The following USP24 variants were observed in gnomAD, a reference collection of about 807,000 sequenced individuals.
USP24 encodes the protein ubiquitin specific peptidase 24, also known as ubiquitin carboxyl-terminal hydrolase 24.
A neutral mutation model predicts 361.6 loss-of-function variants in USP24; 97 were observed. That is an observed-to-expected ratio of 0.27 (90% confidence interval 0.23 to 0.32). The LOEUF (loss-of-function observed/expected upper bound fraction) is 0.32. Ranked by LOEUF, USP24 falls within the 10% of genes least tolerant of loss-of-function variation. USP24 has a pLI of 1.00. For synonymous variants in USP24, 1,098 were observed against 1,124.6 expected (o/e 0.98, Z 0.47); for missense variants, 2,353 against 3,165.6 (o/e 0.74, Z 6.16).
chr1:55,151,822 G>A (rs1394732544), intron 16 of USP24: 2 of 877,096 alleles, frequency 2.3e-6, no homozygotes, highest in Non-Finnish European at 2.7e-6. Context: ...AATTTTAAGA[G>A]TATCAAAAGC....
chr1:55,075,400 A>G, intron 63 of USP24, 57 bp downstream of exon 63: 4 of 1,497,740 alleles, frequency 2.7e-6, no homozygotes, highest in Non-Finnish European at 3.6e-6. Context: ...TGGCCAGAAC[A>G]ATAGATTATC....
intron 5 of USP24, among the ~76,000 whole-genome samples, chr1:55,169,725 A>C (rs897057951): frequency 1.3e-5 from 2 of 151,878 alleles, no homozygotes; most frequent in African/African-American, 4.9e-5. Context: ...ACCCAGTGAA[A>C]ATACATACTT....
At position 55,103,899 on chromosome 1, in the gene USP24, G is replaced by A. The variant is rs763132821; in HGVS notation, c.5002C>T (p.Pro1668Ser). ...ACATCAAACTCCTTGGTAAGAGCAGGGTCAGGCTGGTGATGCATAGAAAGC... is the reference window on the plus strand; with the variant it reads ...ACATCAAACTCCTTGGTAAGAGCAGAGTCAGGCTGGTGATGCATAGAAAGC... ...ELLSMHHQPD[P>S]ALTKEFDYLP... The change falls in exon 42 of 68, where the codon CCT (proline) becomes TCT (serine). Residue 1668 changes from proline (P) to serine (S), a missense_variant. Physicochemically the swap from Pro to Ser is moderately conservative, Grantham distance 74 (BLOSUM62 -1). Transcript: ENST00000294383. The A allele has an allele frequency of 6.2e-7, 1 of 1,612,776 alleles. No individual in the cohort carries two copies. Among genetic ancestry groups the A allele is most frequent in the Non-Finnish European group, 8.5e-7 (1 of 1,179,380 alleles).
rs1339328528 is a variant in USP24 at position 55,146,107 on chromosome 1, C to G, written c.2253G>C (p.Met751Ile). ...GTCCTTTTGTAAACCATTCAAAACACATCTGTGGAATAAGACGAATATCAC... is the reference window on the plus strand; with the variant it reads ...GTCCTTTTGTAAACCATTCAAAACAGATCTGTGGAATAAGACGAATATCAC... ...GQDVCELDRE[M>I]CFEWFTKGQH... The change falls in exon 20 of 68, where the codon ATG becomes ATC. Residue 751 changes from methionine to isoleucine, a missense_variant and splice_region_variant. Met to Ile is a conservative substitution (Grantham distance 10, BLOSUM62 1). Around this residue, in one of 8 missense-constraint regions of USP24, gnomAD observed 949 missense variants for 1,280.5 expected, o/e 0.74. Transcript: ENST00000294383. 6.2e-7 allele frequency: 1 copy of G among 1,610,438 alleles called. No homozygotes were observed. Among genetic ancestry groups the G allele is most frequent in the Admixed American group, 1.7e-5 (1 of 59,896 alleles).
intron 1 of USP24, among the ~76,000 whole-genome samples, chr1:55,181,972 G>C (rs1235355631): frequency 6.6e-6 from 1 of 152,242 alleles, no homozygotes; most frequent in East Asian, 1.9e-4. Context: ...TCAGTGCACA[G>C]AGGAAAGGCC....
At chr1:55,095,538 G>A (rs1645477596) in intron 50 of USP24, 142 bp from the exon 51 acceptor site, 1 of 921,476 alleles carries the variant, frequency 1.1e-6, no homozygotes, top group Non-Finnish European at 1.6e-6. Flanking sequence ...TAAAATGTGA[G>A]TGTCTTTAGA....
intron 11 of USP24, 75 bp downstream of exon 11, chr1:55,157,181 T>G: frequency 2.2e-6 from 3 of 1,364,098 alleles, no homozygotes; most frequent in Non-Finnish European, 2.0e-6. Context: ...AGCAACAATT[T>G]TGTATACTTT....
At chr1:55,101,520 A>G (rs1009134026) in intron 43 of USP24, 64 bp downstream of exon 43, 1 of 1,545,036 alleles carries the variant, frequency 6.5e-7, no homozygotes, top group Non-Finnish European at 8.7e-7. Context: ...AAAAACTATG[A>G]AACAATTTTC....
chr1:55,190,378 TA>T (rs1276018502), intron 1 of USP24, among the ~76,000 whole-genome samples: 1 of 152,050 alleles, frequency 6.6e-6, no homozygotes, highest in African/African-American at 2.4e-5. Flanking sequence ...CAGAGGGGGA[TA>T]GTATGAACCC....
intron 32 of USP24, among the ~76,000 whole-genome samples, chr1:55,128,095 T>C (rs1646486517): frequency 6.6e-6 from 1 of 152,202 alleles, no homozygotes; most frequent in Non-Finnish European, 1.5e-5. Context: ...CTTTCCTTTG[T>C]TCGTTCCATC....
At chr1:55,138,479 G>T in intron 26 of USP24, 129 bp downstream of exon 26, 2 of 598,454 alleles carry the variant, frequency 3.3e-6, no homozygotes, top group South Asian at 2.5e-5. Flanking sequence ...TTCATTTCAG[G>T]TCTTTATTCT....
rs1208069053 is a variant in USP24, at chr1:55,129,462, C to T, written c.3635+15G>A. On this transcript the variant is annotated intron_variant, in intron 32 of 67. Transcript: ENST00000294383. ...ATTTTCGGCAACTCATGTAACATTA[C>T]ATTGAAACTCTAACCTCAAACCGCC... 4.3e-6 allele frequency: 7 copies of T among 1,610,338 alleles called. No individual in the cohort carries two copies. Among genetic ancestry groups the T allele is most frequent in the Non-Finnish European group, 5.9e-6 (7 of 1,177,134 alleles).
intron 5 of USP24, among the ~76,000 whole-genome samples, chr1:55,167,903 T>C (rs1234815309): frequency 6.6e-6 from 1 of 152,152 alleles, no homozygotes; most frequent in Non-Finnish European, 1.5e-5. Context: ...TTGAGAACTC[T>C]GTATGGCAAC....
At position 55,132,667 on chromosome 1, in the gene USP24, A is replaced by C; in HGVS notation, c.3415T>G (p.Ser1139Ala). The change falls in exon 31 of 68, where the codon TCA becomes GCA. Residue 1139 changes from serine (S) to alanine (A), a missense_variant. Physicochemically the swap from Ser to Ala is moderately conservative, Grantham distance 99. This residue lies in a region of USP24 where 949 missense variants were observed against 1,280.5 expected (regional missense o/e 0.74). Transcript: ENST00000294383. ...TTTGATGACAGGGATGGAGATTTTG[A>C]GGACTGAGAACTTGATTCAGACAGC... is the stretch of plus-strand genomic sequence containing the variant. ...TLLSESSSQS[S>A]KSPSLSSKQQ... 1 of 1,613,606 alleles carries C rather than the reference A, an allele frequency of 6.2e-7. No individual in the cohort carries two copies. Among genetic ancestry groups the C allele is most frequent in the Non-Finnish European group, 8.5e-7 (1 of 1,179,716 alleles).
At chr1:55,108,795 G>GGCT (rs374866744) in intron 39 of USP24, among the ~76,000 whole-genome samples, 2 of 152,192 alleles carry the variant, frequency 1.3e-5, no homozygotes, top group African/African-American at 2.4e-5. Flanking sequence ...AAGCCTGTAT[G>GGCT]GCTGCTGGTC....
chr1:55,122,920 T>C (rs74073034), intron 36 of USP24, among the ~76,000 whole-genome samples: 6,128 of 151,996 alleles, frequency 0.04, 394 homozygotes, highest in African/African-American at 0.14. Flanking sequence ...GTTGTCAACA[T>C]ATAGATGGAA....
At chr1:55,122,872 T>C (rs751362817) in intron 36 of USP24, among the ~76,000 whole-genome samples, 1 of 151,984 alleles carries the variant, frequency 6.6e-6, no homozygotes, top group African/African-American at 2.4e-5. Context: ...ACTGGAGACA[T>C]CAGGACAGTG....
At chr1:55,069,330 C>T (rs747762518) in intron 67 of USP24, among the ~76,000 whole-genome samples, 2 of 152,204 alleles carry the variant, frequency 1.3e-5, no homozygotes, top group Non-Finnish European at 2.9e-5. Context: ...AACAACCCAG[C>T]GACTTGTCTA....
intron 64 of USP24, among the ~76,000 whole-genome samples, chr1:55,073,604 T>C (rs998532618): frequency 5.9e-5 from 9 of 152,206 alleles, no homozygotes; most frequent in Non-Finnish European, 8.8e-5. Flanking sequence ...TAAGGCCTGA[T>C]GGGTGAGCTT....
Sources: allele counts gnomAD v4.1 joint callset (sites outside exome capture counted in the v4.1 genomes callset), GRCh38; gene constraint gnomAD v4.1.1; regional missense constraint gnomAD v4.1.1; transcripts MANE v1.5; gene names NCBI Gene and HGNC (gene_info 2026-07-23, HGNC 2026-07-21).